Variants in SAP18 observed in about 807,000 individuals in gnomAD.
SAP18 encodes Sin3A associated protein 18.
SAP18 carries 4 observed loss-of-function variants against 18.6 expected under a neutral mutation model. The observed-to-expected ratio is 0.21, with a 90% CI of 0.11 to 0.49. SAP18 has a LOEUF of 0.49. Among genes scored for constraint, SAP18 ranks in the 20% least tolerant of loss-of-function variants. The pLI, the probability that SAP18 is intolerant of heterozygous loss-of-function variation, is 0.98. For synonymous variants in SAP18, 112 were observed against 82.8 expected (o/e 1.35, Z -1.92); for missense variants, 170 against 226.4 (o/e 0.75, Z 1.60).
rs1301017157 is a variant in SAP18, at chr13:21,143,004, G to A, written c.239+2009G>A. On this transcript the variant is annotated intron_variant, in intron 2 of 3. Coordinates refer to ENST00000621421, the Ensembl canonical transcript of SAP18. ...TTTCAGTGAACTCATTACAGTATTC[G>A]TCATTTTGGCTTATTTCATGGTGTT... 3.9e-5 allele frequency among the ~76,000 whole-genome samples: 6 copies of A among 152,034 alleles called. No homozygotes were observed. The East Asian group carries it at 9.6e-4, about 24-fold the overall frequency.
chr13:21,140,945 CGAGTTCTCCCG>C lies in SAP18; in HGVS notation c.191_201del (p.Glu64GlyfsTer33). Reference sequence around the variant, plus strand: ...ATAACGGCCGCCACCACCGAATGGACGAGTTCTCCCGGGGAAATGTACCGTCCAGCGAGTTG... The same window carrying C: ...ATAACGGCCGCCACCACCGAATGGACGGGAAATGTACCGTCCAGCGAGTTG... On this transcript the variant is annotated frameshift_variant, in exon 2 of 4. Coordinates refer to ENST00000621421, the Ensembl canonical transcript of SAP18. LOFTEE classifies it high-confidence loss of function. 1 of 1,613,894 alleles carries C rather than the reference CGAGTTCTCCCG, an allele frequency of 6.2e-7. No individual in the cohort carries two copies. The highest frequency in any genetic ancestry group is 1.3e-5 in the African/African-American group (1 of 74,952).
At chr13:21,146,920 G>A in exon 3 of SAP18, 1 of 1,606,702 alleles carries the variant, frequency 6.2e-7, no homozygotes, top group Non-Finnish European at 8.5e-7. Flanking sequence ...TAAAAGACCT[G>A]GCTATCGGTA....
chr13:21,146,828 T>TG lies in SAP18; in HGVS notation c.264dup (p.Thr89AspfsTer12). On this transcript the variant is annotated frameshift_variant, in exon 3 of 4. Transcript: ENST00000621421. LOFTEE classifies it high-confidence loss of function. ...AGGATGGATGCAACCTTGAAAGAAC[T>TG]GACAAGCTTAGTAAAAGAAGTCTAC... is the stretch of plus-strand genomic sequence containing the variant. The TG allele has an allele frequency of 1.9e-6, 3 of 1,604,916 alleles. No individual in the cohort carries two copies. Among genetic ancestry groups the TG allele is most frequent in the Non-Finnish European group, 2.5e-6 (3 of 1,177,458 alleles).
upstream of SAP18, chr13:21,140,420 C>G: frequency 9.8e-7 from 1 of 1,018,564 alleles, no homozygotes; most frequent in Non-Finnish European, 1.4e-6. Context: ...CGCCTTTTCC[C>G]GAAGTCGCAA....
intron 2 of SAP18, among the ~76,000 whole-genome samples, chr13:21,144,156 C>T (rs1466639917): frequency 1.3e-5 from 2 of 152,076 alleles, no homozygotes; most frequent in Non-Finnish European, 2.9e-5. Flanking sequence ...CCTGTAATCC[C>T]AGCACTTTGG....
intron 2 of SAP18, among the ~76,000 whole-genome samples, chr13:21,146,116 A>T (rs1869642000): frequency 1.3e-5 from 2 of 152,262 alleles, no homozygotes; most frequent in Non-Finnish European, 2.9e-5. Flanking sequence ...GGAGGCCAAG[A>T]TAGGTGGATC....
exon 4 of SAP18, chr13:21,148,512 A>G (rs1869733913): frequency 6.6e-6 from 1 of 152,204 alleles, no homozygotes; most frequent in South Asian, 2.1e-4. Flanking sequence ...ACCAGCAGCA[A>G]TAAAATTGCA....
intron 2 of SAP18, among the ~76,000 whole-genome samples, chr13:21,142,526 C>T (rs944638301): frequency 8.6e-5 from 13 of 151,754 alleles, no homozygotes; most frequent in African/African-American, 2.7e-4. Flanking sequence ...AGGGTTTCAC[C>T]ATGTTGGCCA....
chr13:21,147,041 A>C, intron 3 of SAP18, 114 bp downstream of exon 3: 1 of 1,423,950 alleles, frequency 7.0e-7, no homozygotes, highest in African/African-American at 1.4e-5. Context: ...GGTTTATATT[A>C]ATACGTGGTT....
chr13:21,148,520 G>T (rs967567126), exon 4 of SAP18: 2 of 151,978 alleles, frequency 1.3e-5, no homozygotes, highest in Non-Finnish European at 2.9e-5. Flanking sequence ...CAATAAAATT[G>T]CACTAGTTTT....
In SAP18 at chr13:21,140,542, A is replaced by T. The variant is rs199958048; in HGVS notation, c.-11A>T. 7 of 1,577,376 alleles carry T rather than the reference A, an allele frequency of 4.4e-6. No individual in the cohort carries two copies. In the Admixed American group the frequency reaches 1.1e-4, roughly 25 times the overall value. ...AGTGTCGAGCTTCTCCTCGCGAGAGACTTAGTGCTCATGCTCGCTGCAGGG... is the reference window on the plus strand; with the variant it reads ...AGTGTCGAGCTTCTCCTCGCGAGAGTCTTAGTGCTCATGCTCGCTGCAGGG... On this transcript the variant is annotated 5_prime_UTR_variant, in exon 1 of 4. Coordinates refer to ENST00000621421, the Ensembl canonical transcript of SAP18.
intron 2 of SAP18, among the ~76,000 whole-genome samples, chr13:21,144,690 G>A (rs565493558): frequency 5.3e-5 from 8 of 152,208 alleles, no homozygotes; most frequent in Non-Finnish European, 1.0e-4. Flanking sequence ...CTGTAGCTTC[G>A]TCAAGCTGAC....
exon 1 of SAP18, chr13:21,140,519 T>G: frequency 6.4e-7 from 1 of 1,554,832 alleles, no homozygotes; most frequent in Non-Finnish European, 8.7e-7. Flanking sequence ...GACTATAAAG[T>G]GTCGAGCTTC....
chr13:21,148,432 T>C (rs984844881), exon 4 of SAP18: 3 of 152,192 alleles, frequency 2.0e-5, no homozygotes, highest in Non-Finnish European at 2.9e-5. Context: ...CGACAGTGTA[T>C]TGTAAATTCC....
At chr13:21,141,353 G>A (rs1459983919) in intron 2 of SAP18, 1 of 277,462 alleles carries the variant, frequency 3.6e-6, no homozygotes, top group East Asian at 8.6e-5. Context: ...AACATGGTAA[G>A]GGAGAGTGAT....
At chr13:21,147,571 A>G (rs1869692753) in exon 4 of SAP18, 3 of 492,186 alleles carry the variant, frequency 6.1e-6, no homozygotes, top group Non-Finnish European at 1.1e-5. Flanking sequence ...ATTCTGTGTA[A>G]AACTGTACTG....
chr13:21,140,545 T>C, exon 1 of SAP18: 1 of 1,580,340 alleles, frequency 6.3e-7, no homozygotes, highest in Non-Finnish European at 8.6e-7. Flanking sequence ...GCGAGAGACT[T>C]AGTGCTCATG....
chr13:21,146,998 T>G, intron 3 of SAP18, 71 bp downstream of exon 3: 2 of 1,496,638 alleles, frequency 1.3e-6, no homozygotes, highest in Non-Finnish European at 1.8e-6. Flanking sequence ...TACAGATAAC[T>G]CCTTCAATGA....
At chr13:21,148,204 A>G (rs1401777527) in exon 4 of SAP18, 1 of 152,252 alleles carries the variant, frequency 6.6e-6, no homozygotes, top group Non-Finnish European at 1.5e-5. Flanking sequence ...TGATTGCAGC[A>G]GTGACTCTGC....
Sources: gnomAD v4.1 joint callset for allele counts (sites outside exome capture counted in the v4.1 genomes callset) on GRCh38, gnomAD v4.1.1 for gene constraint, MANE v1.5 for transcripts, NCBI Gene and HGNC (gene_info 2026-07-23, HGNC 2026-07-21) for gene names.